The following RAPGEF4 variants were observed in gnomAD, a reference collection of about 807,000 sequenced individuals.
The protein encoded by RAPGEF4 is RAP guanine-nucleotide-exchange factor (GEF) 4.
A neutral mutation model predicts 147.9 loss-of-function variants in RAPGEF4; 66 were observed. The observed-to-expected ratio is 0.45, with a 90% CI of 0.37 to 0.55. RAPGEF4 has a LOEUF of 0.55. Among genes scored for constraint, RAPGEF4 ranks in the 20% least tolerant of loss-of-function variants. The pLI is 0.00. For synonymous variants in RAPGEF4, 419 were observed against 442.7 expected (o/e 0.95, Z 0.67); for missense variants, 1,071 against 1,257.3 (o/e 0.85, Z 2.24).
intron 1 of RAPGEF4, among the ~76,000 whole-genome samples, chr2:172,774,667 G>T (rs1683983175): frequency 6.6e-6 from 1 of 152,132 alleles, no homozygotes; most frequent in Non-Finnish European, 1.5e-5. Context: ...TGAACTTCTA[G>T]GAGTTTTTCT....
intron 1 of RAPGEF4, among the ~76,000 whole-genome samples, chr2:172,752,725 G>A (rs1000307791): frequency 1.1e-4 from 16 of 152,208 alleles, no homozygotes; most frequent in Non-Finnish European, 5.9e-5. Flanking sequence ...AACATACCAA[G>A]AGAACCATAA....
chr2:172,822,552 C>A (rs1456399050), intron 4 of RAPGEF4, among the ~76,000 whole-genome samples: 8 of 152,230 alleles, frequency 5.3e-5, no homozygotes, highest in Admixed American at 5.2e-4. Context: ...GGGGTCTGAG[C>A]AGATCAAGGC....
intron 1 of RAPGEF4, among the ~76,000 whole-genome samples, chr2:172,773,859 G>A (rs1054520049): frequency 6.6e-6 from 1 of 152,152 alleles, no homozygotes; most frequent in African/African-American, 2.4e-5. Flanking sequence ...GTGAGGGGAG[G>A]GGGCTGCAAA....
chr2:172,763,731 C>T (rs1696564386), intron 1 of RAPGEF4, among the ~76,000 whole-genome samples: 1 of 152,072 alleles, frequency 6.6e-6, no homozygotes, highest in Non-Finnish European at 1.5e-5. Flanking sequence ...CTAGATAGTA[C>T]AGGCAAACTT....
chr2:172,992,922 G>T (rs921005262), intron 15 of RAPGEF4, among the ~76,000 whole-genome samples: 8 of 152,042 alleles, frequency 5.3e-5, no homozygotes, highest in Non-Finnish European at 1.2e-4. Context: ...TGAAGGGGAG[G>T]GGGGCATGTA....
chr2:173,019,706 C>T lies in RAPGEF4; in HGVS notation c.2155+904C>T, dbSNP rs1474456382. On this transcript the variant is annotated intron_variant, in intron 22 of 30. Transcript: ENST00000397081. ...CATTTCTGCTCCAGTTGCACAAGGC[C>T]CAGGATGTCTGCCCTCCCTGACCCC... is the stretch of plus-strand genomic sequence containing the variant. Among the ~76,000 whole-genome samples, 8 of 152,150 alleles carry T rather than the reference C, an allele frequency of 5.3e-5. 1 individual carries two copies. The highest frequency in any genetic ancestry group is 8.8e-5 in the Non-Finnish European group (6 of 68,028).
At chr2:172,889,385 G>C (rs377436987) in intron 4 of RAPGEF4, among the ~76,000 whole-genome samples, 3 of 152,066 alleles carry the variant, frequency 2.0e-5, no homozygotes, top group Non-Finnish European at 4.4e-5. Flanking sequence ...ACAAAGAGTC[G>C]TATTTGCTTA....
chr2:172,797,285 A>G (rs771723697), intron 2 of RAPGEF4, among the ~76,000 whole-genome samples: 3 of 152,204 alleles, frequency 2.0e-5, no homozygotes, highest in Non-Finnish European at 4.4e-5. Flanking sequence ...ACAGCTCTGT[A>G]AGTATGATAG....
At chr2:172,878,414 G>A (rs1696209875) in intron 4 of RAPGEF4, among the ~76,000 whole-genome samples, 1 of 152,158 alleles carries the variant, frequency 6.6e-6, no homozygotes, top group Admixed American at 6.5e-5. Flanking sequence ...TTCTAGGAGA[G>A]TCTGTTCATT....
At chr2:173,036,598 G>T (rs1393827822) in intron 28 of RAPGEF4, 30 bp from the exon 29 acceptor site, 1 of 1,531,030 alleles carries the variant, frequency 6.5e-7, no homozygotes, top group African/African-American at 1.4e-5. Flanking sequence ...TTCCATTAGT[G>T]ATTAGAATGT....
chr2:172,947,261 A>G (rs1350431581), intron 6 of RAPGEF4, among the ~76,000 whole-genome samples: 1 of 152,230 alleles, frequency 6.6e-6, no homozygotes, highest in Non-Finnish European at 1.5e-5. Flanking sequence ...TACAGCTAGT[A>G]TTTAAATAAA....
chr2:172,743,427 C>G lies in RAPGEF4; in HGVS notation c.65+7379C>G, dbSNP rs190003598. Reference sequence around the variant, plus strand: ...GCCACTACTCTCTTTTCTCTCCATGCCAGCTCTTTCTTGGCGCAACTATCT... The same window carrying G: ...GCCACTACTCTCTTTTCTCTCCATGGCAGCTCTTTCTTGGCGCAACTATCT... On this transcript the variant is annotated intron_variant, in intron 1 of 30. Coordinates refer to ENST00000397081, the MANE Select transcript of RAPGEF4 (RefSeq NM_007023.4). 1.5e-3 allele frequency among the ~76,000 whole-genome samples: 221 copies of G among 152,324 alleles called. 1 individual carries two copies. The highest frequency in any genetic ancestry group is 5.2e-3 in the African/African-American group (216 of 41,570).
intron 10 of RAPGEF4, among the ~76,000 whole-genome samples, chr2:172,979,643 T>G (rs1309991777): frequency 6.6e-6 from 1 of 152,214 alleles, no homozygotes. Flanking sequence ...TCTAGATTTA[T>G]GGATATTTAA....
chr2:172,809,515 A>G (rs904477333), intron 3 of RAPGEF4, among the ~76,000 whole-genome samples: 9 of 152,132 alleles, frequency 5.9e-5, no homozygotes, highest in African/African-American at 1.7e-4. Context: ...CAGAGTGGGA[A>G]AAGCAGAAAT....
At chr2:172,761,147 C>T (rs149074057) in intron 1 of RAPGEF4, among the ~76,000 whole-genome samples, 2,622 of 137,222 alleles carry the variant, frequency 0.019, 100 homozygotes, top group African/African-American at 0.066. Context: ...TTGTTTTAGA[C>T]GGAGTTTCAC....
Position 172,939,752 on chromosome 2 carries a change from T to G in RAPGEF4, c.537+17452T>G, listed in dbSNP as rs1395659761. 3.3e-5 allele frequency among the ~76,000 whole-genome samples: 5 copies of G among 152,348 alleles called. No homozygotes were observed. The East Asian group carries it at 9.6e-4, about 29-fold the overall frequency. On this transcript the variant is annotated intron_variant, in intron 6 of 30. Coordinates refer to ENST00000397081, the MANE Select transcript of RAPGEF4 (RefSeq NM_007023.4). ...TTCTTCTAGAAATTTTATAGTTTTG[T>G]GTTTTACATTTAGGTTTATAATCAT...
intron 4 of RAPGEF4, among the ~76,000 whole-genome samples, chr2:172,840,774 T>A (rs926164841): frequency 5.3e-5 from 8 of 152,184 alleles, no homozygotes; most frequent in Non-Finnish European, 7.3e-5. Context: ...TTCAGGGAAA[T>A]TGTCTTGGGA....
intron 10 of RAPGEF4, among the ~76,000 whole-genome samples, chr2:172,976,943 G>A (rs982783577): frequency 2.0e-5 from 3 of 152,218 alleles, no homozygotes; most frequent in East Asian, 1.9e-4. Context: ...ATCCCCTGCA[G>A]AAACTAGGCC....
At chr2:172,881,127 G>A (rs1370340374) in intron 4 of RAPGEF4, among the ~76,000 whole-genome samples, 2 of 152,188 alleles carry the variant, frequency 1.3e-5, no homozygotes, top group Non-Finnish European at 2.9e-5. Context: ...GTGGAGGTGT[G>A]TGGAGGTGTC....
Sources: allele counts gnomAD v4.1 joint callset (sites outside exome capture counted in the v4.1 genomes callset), GRCh38; gene constraint gnomAD v4.1.1; transcripts MANE v1.5; gene names NCBI Gene and HGNC (gene_info 2026-07-23, HGNC 2026-07-21).